Variants in GTPBP6 observed in about 807,000 individuals in gnomAD.
GTPBP6 encodes the protein GTP binding protein 6, also known as putative GTP-binding protein 6.
A neutral mutation model predicts 28.9 loss-of-function variants in GTPBP6; 33 were observed. The ratio of observed to expected loss-of-function variants is 1.14; its 90% CI spans 0.87 to 1.53. GTPBP6 has a LOEUF of 1.53. Ranked by LOEUF, GTPBP6 falls within the 40% of genes most tolerant of loss-of-function variation. The probability of loss-of-function intolerance (pLI) is 0.00; values close to 1 mark genes in which losing one functional copy is unlikely to be tolerated. For missense variants in GTPBP6, 507 were observed against 408.3 expected (o/e 1.24, Z -2.08); for synonymous variants, 231 against 192.7 (o/e 1.20, Z -1.65).
chrX:315,276 T>C (rs14328), exon 3 of GTPBP6: 194,716 of 398,240 alleles, frequency 0.49, 48,914 homozygotes, highest in Middle Eastern at 0.55. Flanking sequence ...ACGCACGTGA[T>C]GTCTGGAGAC....
intron 7 of GTPBP6, among the ~76,000 whole-genome samples, chrX:309,588 T>C (rs912107088): frequency 3.3e-5 from 5 of 152,238 alleles, no homozygotes; most frequent in East Asian, 1.9e-4. Context: ...CTAAATGCAA[T>C]GACAGGTGTC....
At chrX:307,795 T>G (rs1281068382) in exon 8 of GTPBP6, 2 of 1,548,328 alleles carry the variant, frequency 1.3e-6, no homozygotes, top group East Asian at 2.3e-5. Context: ...GGCGGGCAGC[T>G]GCAGGCCACG....
At chrX:311,138 G>A (rs1332994275) in intron 7 of GTPBP6, among the ~76,000 whole-genome samples, 1 of 133,284 alleles carries the variant, frequency 7.5e-6, no homozygotes, top group Non-Finnish European at 1.6e-5. Flanking sequence ...AGGCTTGGGG[G>A]ACACTAAGTC....
intron 9 of GTPBP6, 21 bp downstream of exon 9, chrX:307,339 C>G: frequency 1.2e-6 from 2 of 1,610,096 alleles, no homozygotes; most frequent in Non-Finnish European, 1.7e-6. Flanking sequence ...ATCCCGTCTC[C>G]TGCCCCTGCA....
At chrX:309,525 G>C (rs1256601404) in intron 7 of GTPBP6, among the ~76,000 whole-genome samples, 1 of 152,204 alleles carries the variant, frequency 6.6e-6, no homozygotes, top group Non-Finnish European at 1.5e-5. Flanking sequence ...TGGAAATGGA[G>C]TTTTTGCAGA....
intron 1 of GTPBP6, 73 bp downstream of exon 1, chrX:318,366 G>A (rs2070479172): frequency 1.6e-5 from 6 of 379,652 alleles, no homozygotes; most frequent in African/African-American, 4.6e-5. Context: ...CCACCTATGA[G>A]CCCCCTCCCC....
At chrX:318,408 G>A (rs1194660293) in intron 1 of GTPBP6, 31 bp downstream of exon 1, 1 of 395,434 alleles carries the variant, frequency 2.5e-6, no homozygotes, top group East Asian at 3.6e-5. Context: ...TCCAGCTCCT[G>A]TTTCTCCCCC....
intron 6 of GTPBP6, chrX:312,318 A>C: frequency 2.2e-6 from 1 of 463,402 alleles, no homozygotes. Context: ...GGGTGGTGGT[A>C]TAGATGGGGT....
intron 6 of GTPBP6, chrX:312,525 T>C: frequency 1.0e-5 from 7 of 689,212 alleles, no homozygotes; most frequent in African/African-American, 5.3e-5. Flanking sequence ...GTAGATGACA[T>C]CCTCACCTTG....
At position 314,294 on chromosome X, in the gene GTPBP6, G is replaced by C. The variant is rs1432725479; in HGVS notation, c.690-77C>G. On this transcript the variant is annotated intron_variant, in intron 4 of 9. Transcript: ENST00000326153. ...GGCAGAGGTCGAGGTGAAGGTGAAG[G>C]GGGCACTGAGCTGGGCCTCTGGGCC... 4.1e-6 allele frequency: 5 copies of C among 1,220,898 alleles called. No individual in the cohort carries two copies. The African/African-American group carries it at 4.5e-5, about 11-fold the overall frequency. The allele number at this position is 1,220,898 out of a possible 1,614,324, so 75.6% of individuals were successfully genotyped here.
intron 6 of GTPBP6, chrX:312,470 A>T: frequency 3.4e-6 from 2 of 585,294 alleles, no homozygotes; most frequent in Non-Finnish European, 6.4e-6. Context: ...TGGAGGGGAG[A>T]TTGTGGTATA....
At chrX:315,648 AAC>A (rs2070419674) in intron 2 of GTPBP6, among the ~76,000 whole-genome samples, 1 of 51,054 alleles carries the variant, frequency 2.0e-5, no homozygotes, top group Non-Finnish European at 4.8e-5. Flanking sequence ...GACACACACA[AAC>A]ACAGTAAACA....
At chrX:305,069 T>C (rs1166928213) in exon 10 of GTPBP6, 1 of 1,612,218 alleles carries the variant, frequency 6.2e-7, no homozygotes, top group Non-Finnish European at 8.5e-7. Context: ...TCTGTGGGCG[T>C]CCGTTCATCC....
intron 4 of GTPBP6, among the ~76,000 whole-genome samples, 171 bp downstream of exon 4, chrX:314,719 G>A (rs1453875158): frequency 0.019 from 2,881 of 151,988 alleles, 84 homozygotes; most frequent in African/African-American, 0.064. Flanking sequence ...CTCGTGATCC[G>A]CCCACCTCGG....
At chrX:311,879 G>A (rs192473625) in intron 6 of GTPBP6, 32 of 604,882 alleles carry the variant, frequency 5.3e-5, no homozygotes, top group East Asian at 1.1e-4. Flanking sequence ...ACGGGTGTGC[G>A]TGTGAAGGCG....
At position 314,133 on chromosome X, in the gene GTPBP6, C is replaced by T. The variant is rs373475097; in HGVS notation, c.757+17G>A. 67 of 1,605,648 alleles carry T rather than the reference C, an allele frequency of 4.2e-5. No homozygotes were observed. Among genetic ancestry groups the T allele is most frequent in the African/African-American group, 2.3e-4 (17 of 74,366 alleles). On this transcript the variant is annotated intron_variant, in intron 5 of 9. Coordinates refer to ENST00000326153, the Ensembl canonical transcript of GTPBP6. The stretch of plus-strand genomic sequence containing the variant: ...ATTCCGAGGACCCTCTGGGACGCCG[C>T]GCCCGGCCCGAGTTACCTGACCCCA...
chrX:305,639 T>A (rs1470208863), intron 9 of GTPBP6, among the ~76,000 whole-genome samples: 2 of 148,754 alleles, frequency 1.3e-5, no homozygotes, highest in Non-Finnish European at 3.0e-5. Context: ...TTTATTTTTT[T>A]TTTTGAGACA....
At chrX:310,591 A>G (rs2070265595) in intron 7 of GTPBP6, among the ~76,000 whole-genome samples, 1 of 141,196 alleles carries the variant, frequency 7.1e-6, no homozygotes, top group African/African-American at 2.9e-5. Flanking sequence ...CCTAAATCTA[A>G]TGACTACTGT....
intron 9 of GTPBP6, among the ~76,000 whole-genome samples, chrX:306,488 C>G (rs112647006): frequency 0.092 from 13,204 of 143,690 alleles, 2,035 homozygotes; most frequent in African/African-American, 0.33. Flanking sequence ...TGTCAGCACA[C>G]ATTAGGCACC....
Sources: allele counts gnomAD v4.1 joint callset (sites outside exome capture counted in the v4.1 genomes callset), GRCh38; gene constraint gnomAD v4.1.1; transcripts MANE v1.5; gene names NCBI Gene and HGNC (gene_info 2026-07-23, HGNC 2026-07-21).